Variants in LINGO1 observed in about 807,000 individuals in gnomAD.
The protein encoded by LINGO1 is leucine-rich repeat and immunoglobulin-like domain-containing nogo receptor-interacting protein 1.
LINGO1 carries 11 observed loss-of-function variants against 37.3 expected under a neutral mutation model. That is an observed-to-expected ratio of 0.29 (90% CI 0.19 to 0.49). LINGO1 has a LOEUF of 0.49. Among genes scored for constraint, LINGO1 ranks in the 20% least tolerant of loss-of-function variants. The pLI is 0.99. For synonymous variants in LINGO1, 387 were observed against 403.0 expected, an observed-to-expected ratio of 0.96 and a Z score of 0.48; for missense variants, 585 against 878.2, an observed-to-expected ratio of 0.67 and a Z score of 4.22.
At chr15:77,699,651 G>C (rs1054277369), upstream of LINGO1, among the ~76,000 whole-genome samples, 23 of 122,138 alleles carry the variant, frequency 1.9e-4, no homozygotes, top group African/African-American at 7.3e-4. Flanking sequence ...ACCATCATCT[G>C]CATACAGTAA....
chr15:77,690,529 T>A (rs981956071), intron 2 of LINGO1, among the ~76,000 whole-genome samples: 10 of 152,248 alleles, frequency 6.6e-5, no homozygotes, highest in Admixed American at 3.3e-4. Flanking sequence ...CACTAAATAC[T>A]TTAGTTACAA....
chr15:77,753,794 C>T (rs1408886253), intron 1 of LINGO1, among the ~76,000 whole-genome samples: 1 of 152,226 alleles, frequency 6.6e-6, no homozygotes, highest in Non-Finnish European at 1.5e-5. Context: ...ATCTAAACAA[C>T]GTATGGCAGA....
chr15:77,806,183 A>G (rs1337339685), intron 1 of LINGO1, among the ~76,000 whole-genome samples: 2 of 152,114 alleles, frequency 1.3e-5, no homozygotes, highest in African/African-American at 4.8e-5. Flanking sequence ...GCAGATAAAG[A>G]GCAATGCTGG....
chr15:77,812,480 G>A (rs773547896), intron 1 of LINGO1, among the ~76,000 whole-genome samples: 16 of 152,214 alleles, frequency 1.1e-4, no homozygotes, highest in Non-Finnish European at 2.2e-4. Flanking sequence ...GTGGAGAATA[G>A]AGGGTGGAGG....
intron 2 of LINGO1, among the ~76,000 whole-genome samples, chr15:77,688,293 T>C (rs750543181): frequency 5.3e-5 from 8 of 152,276 alleles, no homozygotes; most frequent in Non-Finnish European, 1.2e-4. Context: ...CAAGTTGGTC[T>C]GCTGGCAAGA....
chr15:77,683,761 T>C (rs79561193), intron 2 of LINGO1, among the ~76,000 whole-genome samples: 2,248 of 152,116 alleles, frequency 0.015, 49 homozygotes, highest in African/African-American at 0.05. Context: ...AAAGAGGGAC[T>C]TTCCTACTTT....
At chr15:77,656,268 C>G (rs2074863080) in intron 3 of LINGO1, among the ~76,000 whole-genome samples, 1 of 152,180 alleles carries the variant, frequency 6.6e-6, no homozygotes, top group South Asian at 2.1e-4. Context: ...GGTCCCTGAT[C>G]AACCCTTGCA....
Position 77,794,435 on chromosome 15 carries a change from CAT to C in LINGO1, c.-343+1502_-343+1503del, listed in dbSNP as rs1196677634. 8.8e-5 allele frequency among the ~76,000 whole-genome samples: 4 copies of C among 45,296 alleles called. 1 individual carries two copies. The highest frequency in any genetic ancestry group is 3.6e-4 in the Admixed American group (1 of 2,788). The allele number at this position is 45,296 out of a possible 152,430, so 29.7% of individuals were successfully genotyped here. On this transcript the variant is annotated intron_variant, in intron 2 of 5. Transcript: ENST00000562933. Reference sequence around the variant, plus strand: ...GTATATACATACGTATATGTATATACATACATATATACGTATATATGTGTATA... The same window carrying C: ...GTATATACATACGTATATGTATATACACATATATACGTATATATGTGTATA...
chr15:77,634,382 C>A, upstream of LINGO1: 1 of 455,544 alleles, frequency 2.2e-6, no homozygotes, highest in Non-Finnish European at 4.4e-6. Context: ...TATGTCTATG[C>A]CCATCCTCAA....
In LINGO1 at chr15:77,664,742, G is replaced by C. The variant is rs1293413489; in HGVS notation, c.-13+12347C>G. On this transcript the variant is annotated intron_variant, in intron 3 of 3. Coordinates refer to the LINGO1 transcript ENST00000559893. ...CAGGAGGCCAAACCTCAGGACTCAG[G>C]GGGAGGGCCTTGAGATGGGCCAGGG... is the stretch of plus-strand genomic sequence containing the variant. 2.6e-5 allele frequency among the ~76,000 whole-genome samples: 4 copies of C among 152,282 alleles called. No homozygotes were observed. The East Asian group carries it at 7.7e-4, about 29-fold the overall frequency.
chr15:77,623,905 C>G (rs1347923840), intron 1 of LINGO1, among the ~76,000 whole-genome samples: 1 of 125,144 alleles, frequency 8.0e-6, no homozygotes, highest in Admixed American at 8.1e-5. Flanking sequence ...TGTGTGGTCT[C>G]TGTGTGTGAC....
chr15:77,731,655 T>C lies in LINGO1; in HGVS notation c.-195+3337A>G, dbSNP rs934973559. Among the ~76,000 whole-genome samples, 13 of 152,174 alleles carry C rather than the reference T, an allele frequency of 8.5e-5. No homozygotes were observed. In the South Asian group the frequency reaches 2.7e-3, roughly 31 times the overall value. On this transcript the variant is annotated intron_variant, in intron 2 of 3. Coordinates refer to the LINGO1 transcript ENST00000561686. ...CCTCCCTGCCACCATCCCAATGTGCTAGGCCTCTCCGCTCAACCCCAGCAT... is the reference window on the plus strand; with the variant it reads ...CCTCCCTGCCACCATCCCAATGTGCCAGGCCTCTCCGCTCAACCCCAGCAT...
At position 77,632,220 on chromosome 15, in the gene LINGO1, A is replaced by C; in HGVS notation, c.6+90T>G. 7.9e-7 allele frequency: 1 copy of C among 1,263,386 alleles called. No individual in the cohort carries two copies. The highest frequency in any genetic ancestry group is 3.2e-5 in the East Asian group (1 of 31,376). 78.3% of individuals were successfully genotyped at this position (1,263,386 alleles called of 1,614,324 possible). A position where few individuals can be genotyped will look rare whatever the true frequency, so the allele number is the denominator to read the frequency against. On this transcript the variant is annotated intron_variant, in intron 1 of 1. Transcript: ENST00000355300. The surrounding 1 kb of genome is among the most constrained non-coding windows in gnomAD (Gnocchi z 6.0). The stretch of plus-strand genomic sequence containing the variant: ...TGGCACCGAGGTGCCCTGCAACCCC[A>C]GGAGGGCGCAGCCAGGGCCGATGGC...
intron 1 of LINGO1, among the ~76,000 whole-genome samples, chr15:77,756,983 C>CA (rs2076426582): frequency 6.6e-6 from 1 of 152,182 alleles, no homozygotes; most frequent in Non-Finnish European, 1.5e-5. Flanking sequence ...TTTCCCCACC[C>CA]ATACCTTCAG....
At chr15:77,811,579 G>A (rs933473409) in intron 1 of LINGO1, among the ~76,000 whole-genome samples, 14 of 152,192 alleles carry the variant, frequency 9.2e-5, no homozygotes, top group Non-Finnish European at 2.1e-4. Flanking sequence ...TGGGGTGGCC[G>A]GGGCCTCAGG....
intron 2 of LINGO1, among the ~76,000 whole-genome samples, chr15:77,678,775 C>G (rs2075368080): frequency 6.6e-6 from 1 of 152,210 alleles, no homozygotes; most frequent in Non-Finnish European, 1.5e-5. Context: ...ATTTTGCATT[C>G]CCACTAGCAA....
intron 1 of LINGO1, among the ~76,000 whole-genome samples, chr15:77,760,719 A>C (rs943529438): frequency 6.6e-6 from 1 of 152,004 alleles, no homozygotes; most frequent in Admixed American, 6.5e-5. Context: ...CAAATATCTA[A>C]ATCTCCCCCT....
chr15:77,637,542 G>C (rs1056818600), upstream of LINGO1, among the ~76,000 whole-genome samples: 1 of 152,150 alleles, frequency 6.6e-6, no homozygotes, highest in Non-Finnish European at 1.5e-5. The surrounding 1 kb of genome is among the most constrained non-coding windows in gnomAD (Gnocchi z 4.6). Flanking sequence ...AGATAATGTC[G>C]GTTTCACGGG....
intron 3 of LINGO1, among the ~76,000 whole-genome samples, chr15:77,672,195 C>T (rs763758838): frequency 1.3e-5 from 2 of 151,084 alleles, no homozygotes; most frequent in Admixed American, 1.3e-4. Context: ...CTCCCCTCCA[C>T]ATGGACTCAG....
Sources: gnomAD v4.1 joint callset for allele counts (sites outside exome capture counted in the v4.1 genomes callset) on GRCh38, gnomAD v4.1.1 for gene constraint, Gnocchi (gnomAD v3.1) non-coding constraint, MANE v1.5 for transcripts, NCBI Gene and HGNC (gene_info 2026-07-23, HGNC 2026-07-21) for gene names.